Variants in CCDC57 observed in about 807,000 individuals in gnomAD.
CCDC57 encodes the protein coiled-coil domain-containing protein 57.
Under a neutral mutation model 118.9 loss-of-function variants are expected in CCDC57, and 118 were observed. The observed-to-expected ratio is 0.99, with a 90% CI of 0.86 to 1.16. CCDC57 has a LOEUF of 1.16. Ranked by LOEUF, CCDC57 falls within the 50% of genes most tolerant of loss-of-function variation. The probability of loss-of-function intolerance (pLI) is 0.00; values close to 1 mark genes in which losing one functional copy is unlikely to be tolerated. For missense variants in CCDC57, 1,300 were observed against 1,320.7 expected, an observed-to-expected ratio of 0.98 and a Z score of 0.24; for synonymous variants, 527 against 532.9, an observed-to-expected ratio of 0.99 and a Z score of 0.15.
Position 82,141,171 on chromosome 17 carries a change from C to A in CCDC57, c.2456-6977G>T, listed in dbSNP as rs532161537. Among the ~76,000 whole-genome samples, 13 of 134,748 alleles carry A rather than the reference C, an allele frequency of 9.6e-5. No homozygotes were observed. The South Asian group carries it at 3.5e-3, about 36-fold the overall frequency. 88.4% of individuals were successfully genotyped at this position (134,748 alleles called of 152,430 possible). ...GATGACAGGCACGTGCCACCACGCC[C>A]GGCTAATTTTTTTTTTTTTTTTTTT... is the stretch of plus-strand genomic sequence containing the variant. On this transcript the variant is annotated intron_variant, in intron 16 of 19. Coordinates refer to ENST00000665763, the Ensembl canonical transcript of CCDC57.
chr17:82,172,677 G>T lies in CCDC57; in HGVS notation c.1690C>A (p.Gln564Lys), dbSNP rs373327936. Residue 564 changes from glutamine (Q) to lysine (K), a missense_variant, in exon 12 of 20, where the codon CAG becomes AAG. Gln to Lys is a moderately conservative substitution (Grantham distance 53, BLOSUM62 1). Coordinates refer to ENST00000665763, the Ensembl canonical transcript of CCDC57. The surrounding 1 kb of genome is among the most constrained non-coding windows in gnomAD (Gnocchi z 5.2). ...TCTCCCCCAGCCTCTGGGTCAGGCT[G>T]GTTTGCATCTGTGCTCTCTGCCGCT... 20 of 1,555,654 alleles carry T rather than the reference G, an allele frequency of 1.3e-5. No individual in the cohort carries two copies. The African/African-American group carries it at 2.5e-4, about 19-fold the overall frequency.
chr17:82,151,602 C>G, exon 16 of CCDC57: 1 of 1,550,376 alleles, frequency 6.5e-7, no homozygotes, highest in Non-Finnish European at 8.7e-7. Context: ...TTCCCCATCT[C>G]GATGAGCTGC....
chr17:82,194,734 T>C (rs1366868502), intron 5 of CCDC57, among the ~76,000 whole-genome samples: 1 of 152,230 alleles, frequency 6.6e-6, no homozygotes, highest in Non-Finnish European at 1.5e-5. Context: ...ATTTGAAAGT[T>C]ATTTAAATAA....
intron 10 of CCDC57, 119 bp downstream of exon 9, chr17:82,178,908 C>T (rs1245460550): frequency 1.8e-6 from 2 of 1,128,616 alleles, no homozygotes; most frequent in African/African-American, 3.1e-5. Context: ...TCTAATTACT[C>T]AGTGAGGTTT....
At chr17:82,157,518 G>A (rs948570350) in intron 15 of CCDC57, 7 of 1,422,618 alleles carry the variant, frequency 4.9e-6, no homozygotes, top group African/African-American at 1.4e-5. Flanking sequence ...CCCCACCAAC[G>A]GGGCATCAAG....
chr17:82,155,349 G>A (rs1446805571), intron 15 of CCDC57: 2 of 152,256 alleles, frequency 1.3e-5, no homozygotes, highest in Non-Finnish European at 1.5e-5. Flanking sequence ...TCCCCTGACC[G>A]ATCTGTCCAT....
At chr17:82,129,417 T>C (rs528602622) in intron 17 of CCDC57, among the ~76,000 whole-genome samples, 6 of 152,170 alleles carry the variant, frequency 3.9e-5, no homozygotes, top group Admixed American at 6.5e-5. Context: ...CCATGGACAA[T>C]AGATGGCCTG....
chr17:82,176,844 AG>A (rs1443182760), intron 11 of CCDC57, among the ~76,000 whole-genome samples: 2 of 88,248 alleles, frequency 2.3e-5, no homozygotes, highest in African/African-American at 3.6e-5. Context: ...AGGGAAGATG[AG>A]GGTTTTTTTT....
rs1217388847 is a variant in CCDC57 at position 82,151,551 on chromosome 17, C to T, written c.2455+9G>A. ...CACTCAGGCCATGGCCTCCACTTCC[C>T]GGACTCACTTTCGGGTCGGCCCAGC... On this transcript the variant is annotated intron_variant, in intron 16 of 19. Transcript: ENST00000665763. The T allele has an allele frequency of 9.7e-6, 15 of 1,549,820 alleles. No homozygotes were observed. Among genetic ancestry groups the T allele is most frequent in the African/African-American group, 1.4e-5 (1 of 73,060 alleles).
intron 19 of CCDC57, among the ~76,000 whole-genome samples, chr17:82,108,521 G>A (rs2035021525): frequency 6.6e-6 from 1 of 152,236 alleles, no homozygotes; most frequent in Non-Finnish European, 1.5e-5. Flanking sequence ...CTGGCTCTGA[G>A]TTTTAAAGGG....
chr17:82,127,894 G>C, exon 19 of CCDC57: 1 of 1,612,416 alleles, frequency 6.2e-7, no homozygotes, highest in Non-Finnish European at 8.5e-7. Context: ...TCACCGTGTG[G>C]ATGCTGTGTT....
intron 16 of CCDC57, among the ~76,000 whole-genome samples, chr17:82,135,950 A>G (rs1373364498): frequency 6.6e-6 from 1 of 152,176 alleles, no homozygotes; most frequent in Non-Finnish European, 1.5e-5. Flanking sequence ...AAGATATGCA[A>G]TAAAAGTATT....
intron 17 of CCDC57, among the ~76,000 whole-genome samples, chr17:82,131,274 T>C (rs960648927): frequency 6.7e-6 from 1 of 150,158 alleles, no homozygotes; most frequent in Non-Finnish European, 1.5e-5. Context: ...CTATCAAAAA[T>C]ACAAAAATTA....
intron 16 of CCDC57, among the ~76,000 whole-genome samples, chr17:82,136,333 G>A (rs891236310): frequency 6.6e-6 from 1 of 152,150 alleles, no homozygotes; most frequent in Admixed American, 6.6e-5. Flanking sequence ...CAGGCACAAA[G>A]GGACACATCC....
chr17:82,150,532 T>C (rs1408911363), intron 16 of CCDC57, among the ~76,000 whole-genome samples: 9 of 45,452 alleles, frequency 2.0e-4, no homozygotes, highest in African/African-American at 2.8e-4. Flanking sequence ...CAGAACCTGG[T>C]GCACATCCAG....
At chr17:82,203,599 A>C (rs944799633) in intron 2 of CCDC57, among the ~76,000 whole-genome samples, 7 of 152,144 alleles carry the variant, frequency 4.6e-5, no homozygotes, top group Non-Finnish European at 1.5e-5. Context: ...GGTCATTCAA[A>C]CTCAGGAGTT....
chr17:82,103,370 C>T (rs1399585045), intron 19 of CCDC57, among the ~76,000 whole-genome samples: 1 of 152,106 alleles, frequency 6.6e-6, no homozygotes, highest in Non-Finnish European at 1.5e-5. Context: ...TGTTTCCAAC[C>T]CCCAGAGGAA....
intron 3 of CCDC57, among the ~76,000 whole-genome samples, chr17:82,201,086 G>A (rs2048939127): frequency 6.6e-6 from 1 of 152,216 alleles, no homozygotes; most frequent in African/African-American, 2.4e-5. Flanking sequence ...TACCAGGCAT[G>A]TGGTTGAGTT....
At chr17:82,148,910 GAACA>G (rs1201382688) in intron 16 of CCDC57, among the ~76,000 whole-genome samples, 2 of 88,336 alleles carry the variant, frequency 2.3e-5, no homozygotes, top group Admixed American at 1.3e-4. Flanking sequence ...ATGGATGGAT[GAACA>G]GATAGGTGGG....
Sources: allele counts gnomAD v4.1 joint callset (sites outside exome capture counted in the v4.1 genomes callset), GRCh38; gene constraint gnomAD v4.1.1; non-coding constraint Gnocchi (gnomAD v3.1); transcripts MANE v1.5; gene names NCBI Gene and HGNC (gene_info 2026-07-23, HGNC 2026-07-21).